Variants in CAMKMT observed in about 807,000 individuals in gnomAD.
CAMKMT encodes CaM KMT.
Under a neutral mutation model 48.0 loss-of-function variants are expected in CAMKMT, and 53 were observed. That is an observed-to-expected ratio of 1.10 (90% CI 0.89 to 1.39). CAMKMT has a LOEUF of 1.39. CAMKMT is among the 40% of genes most tolerant of loss of function. The pLI, the probability that CAMKMT is intolerant of heterozygous loss-of-function variation, is 0.00. For missense variants in CAMKMT, 428 were observed against 402.7 expected (o/e 1.06, Z -0.54); for synonymous variants, 165 against 152.3 (o/e 1.08, Z -0.61).
In CAMKMT at chr2:44,589,703, C is replaced by G. The variant is rs1670132912; in HGVS notation, c.377-114580C>G. On this transcript the variant is annotated intron_variant, in intron 3 of 10. Transcript: ENST00000378494. ...TGAAGTCAGCATGCTCGTTAAGAGTCGTGTCACCACTCCCTAATCTCAAGT... is the reference window on the plus strand; with the variant it reads ...TGAAGTCAGCATGCTCGTTAAGAGTGGTGTCACCACTCCCTAATCTCAAGT... Among the ~76,000 whole-genome samples, 3 of 78,906 alleles carry G rather than the reference C, an allele frequency of 3.8e-5. 1 individual carries two copies. The South Asian group carries it at 1.2e-3, about 33-fold the overall frequency. The allele number at this position is 78,906 out of a possible 152,430, so 51.8% of individuals were successfully genotyped here. A position where few individuals can be genotyped will look rare whatever the true frequency, so the allele number is the denominator to read the frequency against.
chr2:44,538,752 G>T (rs943791815), intron 3 of CAMKMT, among the ~76,000 whole-genome samples: 1 of 149,636 alleles, frequency 6.7e-6, no homozygotes, highest in South Asian at 2.2e-4. Context: ...AAAACCACTT[G>T]TACCCCCAAA....
intron 3 of CAMKMT, among the ~76,000 whole-genome samples, chr2:44,641,421 T>A (rs950423105): frequency 6.6e-6 from 1 of 152,034 alleles, no homozygotes; most frequent in East Asian, 1.9e-4. Context: ...CCAGCTGAGG[T>A]GATAACAGTC....
intron 3 of CAMKMT, among the ~76,000 whole-genome samples, chr2:44,552,186 T>A (rs1316312646): frequency 1.3e-5 from 2 of 152,098 alleles, no homozygotes; most frequent in Non-Finnish European, 2.9e-5. Context: ...TGCCCATAGG[T>A]ATGCATTATT....
At chr2:44,587,177 G>A (rs1370343135) in intron 3 of CAMKMT, among the ~76,000 whole-genome samples, 4 of 152,060 alleles carry the variant, frequency 2.6e-5, no homozygotes, top group Non-Finnish European at 5.9e-5. Flanking sequence ...CTGAATACAA[G>A]TCCTTTAGCA....
intron 3 of CAMKMT, among the ~76,000 whole-genome samples, chr2:44,533,668 C>T (rs1242544997): frequency 6.6e-6 from 1 of 152,144 alleles, no homozygotes; most frequent in Non-Finnish European, 1.5e-5. Context: ...TGTCCTAAAC[C>T]TGGAAGTGAA....
chr2:44,549,467 C>G, intron 3 of CAMKMT: 1 of 673,970 alleles, frequency 1.5e-6, no homozygotes, highest in Non-Finnish European at 2.7e-6. Context: ...CCTGTCCAGT[C>G]ACTTGCCACA....
At chr2:44,542,120 ACT>A (rs1422121220) in intron 3 of CAMKMT, among the ~76,000 whole-genome samples, 1 of 145,958 alleles carries the variant, frequency 6.9e-6, no homozygotes, top group Non-Finnish European at 1.5e-5. Flanking sequence ...CAAGAGTGAA[ACT>A]CTGTCTCAAA....
chr2:44,490,826 A>G (rs530377406), intron 3 of CAMKMT, among the ~76,000 whole-genome samples: 70 of 152,258 alleles, frequency 4.6e-4, no homozygotes, highest in African/African-American at 1.6e-3. Context: ...AAGGAAGAGA[A>G]GAAAACAGCA....
intron 2 of CAMKMT, among the ~76,000 whole-genome samples, chr2:44,374,647 T>C (rs1189367864): frequency 6.6e-6 from 1 of 152,228 alleles, no homozygotes; most frequent in African/African-American, 2.4e-5. Context: ...ATGATCCTCA[T>C]GTAGTACTAT....
rs1327231466 is a variant in CAMKMT, at chr2:44,591,526, GGAGTTCA to G, written c.377-112756_377-112750del. Reference sequence around the variant, plus strand: ...ATTCTCTTTGAAGCAATTGTGAATGGGAGTTCACTCATGATTTGGCTCTCTGTTTGTC... The same window carrying G: ...ATTCTCTTTGAAGCAATTGTGAATGGCTCATGATTTGGCTCTCTGTTTGTC... On this transcript the variant is annotated intron_variant, in intron 3 of 10. Coordinates refer to ENST00000378494, the MANE Select transcript of CAMKMT (RefSeq NM_024766.5). Among the ~76,000 whole-genome samples, 6 of 151,984 alleles carry G rather than the reference GGAGTTCA, an allele frequency of 3.9e-5. No homozygotes were observed. The East Asian group carries it at 5.8e-4, about 15-fold the overall frequency.
chr2:44,381,176 T>C (rs996634803), intron 2 of CAMKMT, among the ~76,000 whole-genome samples: 4 of 151,950 alleles, frequency 2.6e-5, no homozygotes, highest in African/African-American at 9.7e-5. Context: ...GAAATAATGC[T>C]TTCCAGAATG....
intron 3 of CAMKMT, among the ~76,000 whole-genome samples, chr2:44,528,158 G>A (rs1348244227): frequency 6.6e-6 from 1 of 152,008 alleles, no homozygotes; most frequent in East Asian, 1.9e-4. Flanking sequence ...TCTTTCTTTT[G>A]TTGATTGTCA....
intron 3 of CAMKMT, among the ~76,000 whole-genome samples, chr2:44,463,918 C>G (rs755316646): frequency 6.6e-6 from 1 of 151,910 alleles, no homozygotes; most frequent in African/African-American, 2.4e-5. Context: ...AAAATCACAA[C>G]AAAAAATAAC....
At position 44,706,249 on chromosome 2, in the gene CAMKMT, A is replaced by G. The variant is rs1470718436; in HGVS notation, c.438-38A>G. 15 of 1,608,558 alleles carry G rather than the reference A, an allele frequency of 9.3e-6. No individual in the cohort carries two copies. In the East Asian group the frequency reaches 3.1e-4, roughly 33 times the overall value. On this transcript the variant is annotated intron_variant, in intron 4 of 10. Transcript: ENST00000378494. ...ATCTCTCTCTGACCATTTTCATCTA[A>G]TTTGTATGGGTTCTACCATTTCTTT...
At chr2:44,474,992 T>C (rs1427141532) in intron 3 of CAMKMT, among the ~76,000 whole-genome samples, 1 of 152,206 alleles carries the variant, frequency 6.6e-6, no homozygotes, top group Non-Finnish European at 1.5e-5. Context: ...GACATAGTGA[T>C]AGATGAAACT....
At chr2:44,610,942 A>T (rs1283371698) in intron 3 of CAMKMT, among the ~76,000 whole-genome samples, 5 of 152,210 alleles carry the variant, frequency 3.3e-5, no homozygotes, top group Non-Finnish European at 2.9e-5. Flanking sequence ...AGCTATAGAC[A>T]TTTAACAAAT....
intron 3 of CAMKMT, among the ~76,000 whole-genome samples, chr2:44,416,568 A>ATTTTTTTTTTTTTTTTTTT (rs34882377): frequency 1.2e-5 from 1 of 80,274 alleles, no homozygotes; most frequent in African/African-American, 4.9e-5. Context: ...ACTTAGCATG[A>ATTTTTTTTTTTTTTTTTTT]TTTTTTTTTT....
At chr2:44,587,457 CCT>C (rs1458067059) in intron 3 of CAMKMT, among the ~76,000 whole-genome samples, 3 of 147,886 alleles carry the variant, frequency 2.0e-5, no homozygotes, top group Non-Finnish European at 3.0e-5. Context: ...TCCCCCTCCC[CCT>C]GTCCCTCTCC....
intron 3 of CAMKMT, among the ~76,000 whole-genome samples, chr2:44,677,914 A>G (rs1322073786): frequency 1.3e-5 from 2 of 152,174 alleles, no homozygotes; most frequent in Admixed American, 1.3e-4. Flanking sequence ...AGCTGGACTC[A>G]TGCATAACAC....
Sources: allele counts gnomAD v4.1 joint callset (sites outside exome capture counted in the v4.1 genomes callset), GRCh38; gene constraint gnomAD v4.1.1; transcripts MANE v1.5; gene names NCBI Gene and HGNC (gene_info 2026-07-23, HGNC 2026-07-21).